LMX1A: variants seen among roughly 807,000 people sequenced by gnomAD.
The protein encoded by LMX1A is LIM homeobox transcription factor 1-alpha.
Under a neutral mutation model 49.1 loss-of-function variants are expected in LMX1A, and 15 were observed. The observed-to-expected ratio is 0.31, with a 90% CI of 0.20 to 0.47. The LOEUF (loss-of-function observed/expected upper bound fraction) is 0.47, where lower values mean the gene tolerates loss of function less well. Among genes scored for constraint, LMX1A ranks in the 20% least tolerant of loss-of-function variants. The pLI is 1.00. For synonymous variants in LMX1A, 167 were observed against 185.7 expected (o/e 0.90, Z 0.82); for missense variants, 372 against 475.8 (o/e 0.78, Z 2.03).
intron 4 of LMX1A, among the ~76,000 whole-genome samples, chr1:165,237,267 A>C (rs1300192808): frequency 6.6e-6 from 1 of 152,206 alleles, no homozygotes; most frequent in African/African-American, 2.4e-5. Context: ...TCTGTCGCCC[A>C]GGCTGGAGCG....
intron 3 of LMX1A, among the ~76,000 whole-genome samples, chr1:165,310,831 G>C (rs1655057885): frequency 1.3e-5 from 2 of 152,312 alleles, no homozygotes; most frequent in South Asian, 2.1e-4. Context: ...GCAATACAGA[G>C]GGAATGCGAT....
intron 3 of LMX1A, 122 bp from the exon 4 acceptor site, chr1:165,249,762 T>C (rs1652989706): frequency 1.4e-6 from 1 of 690,250 alleles, no homozygotes; most frequent in Non-Finnish European, 2.5e-6. Context: ...TAGAATGGAA[T>C]GTACTTTAAA....
chr1:165,300,272 G>A lies in LMX1A; in HGVS notation c.264-50632C>T, dbSNP rs1364495759. 9.2e-5 allele frequency among the ~76,000 whole-genome samples: 14 copies of A among 152,278 alleles called. No homozygotes were observed. The South Asian group carries it at 2.1e-3, about 23-fold the overall frequency. On this transcript the variant is annotated intron_variant, in intron 3 of 8. Coordinates refer to ENST00000342310, the MANE Select transcript of LMX1A (RefSeq NM_177398.4). ...AAAATATGCTCACAACTTTAGGCCC[G>A]ATGTGTGACCTGTTTACTTAACTAC...
intron 3 of LMX1A, among the ~76,000 whole-genome samples, chr1:165,296,004 G>A (rs1654603966): frequency 6.6e-6 from 1 of 152,184 alleles, no homozygotes; most frequent in Admixed American, 6.5e-5. Context: ...GGAAACAGTT[G>A]TAACCTTTAG....
Position 165,272,813 on chromosome 1 carries a change from A to C in LMX1A, c.264-23173T>G, listed in dbSNP as rs76693222. On this transcript the variant is annotated intron_variant, in intron 3 of 8. Coordinates refer to ENST00000342310, the MANE Select transcript of LMX1A (RefSeq NM_177398.4). ...TTGATGGTGTGGTTTAGTGGGGGTA[A>C]ACCTGTGGCTAACAAGGCCCTCAGC... 5.2e-4 allele frequency among the ~76,000 whole-genome samples: 79 copies of C among 152,230 alleles called. 2 individuals carry two copies. The East Asian group carries it at 0.015, about 29-fold the overall frequency.
In LMX1A at chr1:165,213,721, G is replaced by C. The variant is rs1181426284; in HGVS notation, c.589C>G (p.Arg197Gly). The C allele has an allele frequency of 6.2e-7, 1 of 1,614,220 alleles. No homozygotes were observed. Among genetic ancestry groups the C allele is most frequent in the Non-Finnish European group, 8.5e-7 (1 of 1,180,030 alleles). ...EEGKDHKRPKRPRTILTTQQR... is the reference protein window; with the variant it reads ...EEGKDHKRPKGPRTILTTQQR... ...TGAGTTGTCAAGATGGTTCTCGGACGTTTGGGGCGCTTATGGTCCTTGCCT... is the reference window on the plus strand; with the variant it reads ...TGAGTTGTCAAGATGGTTCTCGGACCTTTGGGGCGCTTATGGTCCTTGCCT... Residue 197 changes from arginine (R) to glycine (G), a missense_variant, in exon 5 of 9, where the codon CGT becomes GGT. Arg to Gly is a moderately radical substitution (Grantham distance 125). Around this residue, in one of 3 missense-constraint regions of LMX1A, gnomAD observed 199 missense variants for 244.0 expected, o/e 0.82. Coordinates refer to ENST00000342310, the MANE Select transcript of LMX1A (RefSeq NM_177398.4).
intron 4 of LMX1A, chr1:165,219,226 G>A (rs1651749033): frequency 6.6e-6 from 1 of 152,198 alleles, no homozygotes; most frequent in Non-Finnish European, 1.5e-5. Context: ...GGGCCTCGGA[G>A]ATTCATTTCA....
intron 3 of LMX1A, among the ~76,000 whole-genome samples, chr1:165,289,146 A>G (rs1231952148): frequency 6.6e-6 from 1 of 151,894 alleles, no homozygotes; most frequent in Admixed American, 6.6e-5. Flanking sequence ...GTCCATCTGG[A>G]GTTGGGAGGG....
intron 3 of LMX1A, among the ~76,000 whole-genome samples, chr1:165,267,959 G>C (rs1304452517): frequency 2.0e-5 from 3 of 152,200 alleles, no homozygotes; most frequent in Non-Finnish European, 2.9e-5. Context: ...GGGGGATCTA[G>C]GGTCAAAAGA....
chr1:165,290,204 C>T (rs1255958749), intron 3 of LMX1A, among the ~76,000 whole-genome samples: 1 of 152,210 alleles, frequency 6.6e-6, no homozygotes, highest in Admixed American at 6.5e-5. Flanking sequence ...TAACAAATTA[C>T]CTGACAATTG....
In LMX1A at chr1:165,348,405, A is replaced by G. The variant is rs148264004; in HGVS notation, c.263+4671T>C. The stretch of plus-strand genomic sequence containing the variant: ...CTCTGAGCAAAGAATGTTTCCAATC[A>G]CCCTCCAAAATTAAAAAGAGAGAAA... On this transcript the variant is annotated intron_variant, in intron 3 of 8. Coordinates refer to ENST00000342310, the MANE Select transcript of LMX1A (RefSeq NM_177398.4). Among the ~76,000 whole-genome samples the G allele has an allele frequency of 3.2e-3, 480 of 152,224 alleles. 5 individuals are homozygous for G. The highest frequency in any genetic ancestry group is 0.011 in the African/African-American group (468 of 41,532).
intron 4 of LMX1A, among the ~76,000 whole-genome samples, chr1:165,230,591 A>G (rs539743343): frequency 6.6e-6 from 1 of 152,192 alleles, no homozygotes; most frequent in South Asian, 2.1e-4. Flanking sequence ...AAATCTCTAC[A>G]TGAATGTGGA....
Position 165,208,074 on chromosome 1 carries a change from CTCTGGGTGTTCTGCTGA to C in LMX1A, c.789_805del (p.Asp263GlufsTer69). The stretch of plus-strand genomic sequence containing the variant: ...AGGCACCAGCTTACCAGAGCTCAGC[CTCTGGGTGTTCTGCTGA>C]TCTTGCTGCTGCTGCTGCTGTCGCC... On this transcript the variant is annotated frameshift_variant, in exon 7 of 9. Coordinates refer to ENST00000342310, the MANE Select transcript of LMX1A (RefSeq NM_177398.4). LOFTEE classifies it high-confidence loss of function. The C allele has an allele frequency of 6.2e-7, 1 of 1,614,006 alleles. No homozygotes were observed. Among genetic ancestry groups the C allele is most frequent in the South Asian group, 1.1e-5 (1 of 91,004 alleles).
intron 8 of LMX1A, 94 bp downstream of exon 8, chr1:165,205,770 G>T (rs965507810): frequency 3.3e-6 from 4 of 1,202,362 alleles, no homozygotes; most frequent in Non-Finnish European, 4.8e-6. Context: ...TTGGAACTTC[G>T]GTGAGCATCT....
chr1:165,311,942 G>C (rs1324724706), intron 3 of LMX1A, among the ~76,000 whole-genome samples: 1 of 152,174 alleles, frequency 6.6e-6, no homozygotes, highest in Non-Finnish European at 1.5e-5. Flanking sequence ...AGAACTCCTA[G>C]TGCCACCATG....
At chr1:165,351,851 C>T (rs1179647763) in intron 3 of LMX1A, among the ~76,000 whole-genome samples, 3 of 152,230 alleles carry the variant, frequency 2.0e-5, no homozygotes, top group Non-Finnish European at 4.4e-5. Flanking sequence ...AGACTTCTCC[C>T]GTTCAGCCCC....
At chr1:165,354,932 G>A (rs558429796) in intron 2 of LMX1A, among the ~76,000 whole-genome samples, 253 of 152,170 alleles carry the variant, frequency 1.7e-3, no homozygotes, top group African/African-American at 6.0e-3. Context: ...CACAGGACCC[G>A]ACATCCAGCT....
chr1:165,254,569 C>T (rs1653168540), intron 3 of LMX1A, among the ~76,000 whole-genome samples: 1 of 152,202 alleles, frequency 6.6e-6, no homozygotes, highest in East Asian at 1.9e-4. Context: ...CAGATGTATA[C>T]ACAGCTGTAC....
chr1:165,284,926 G>C (rs1027391037), intron 3 of LMX1A, among the ~76,000 whole-genome samples: 2 of 152,204 alleles, frequency 1.3e-5, no homozygotes, highest in South Asian at 2.1e-4. Flanking sequence ...GGAAAATCAC[G>C]TATGGTTGTT....
Sources: gnomAD v4.1 joint callset for allele counts (sites outside exome capture counted in the v4.1 genomes callset) on GRCh38, gnomAD v4.1.1 for gene constraint, gnomAD v4.1.1 regional missense constraint, MANE v1.5 for transcripts, NCBI Gene and HGNC (gene_info 2026-07-23, HGNC 2026-07-21) for gene names.